ANK2: variants seen among roughly 807,000 people sequenced by gnomAD.
The protein encoded by ANK2 is ankyrin-2.
ANK2 carries 83 observed loss-of-function variants against 360.5 expected under a neutral mutation model. That is an observed-to-expected ratio of 0.23 (90% CI 0.19 to 0.28). The LOEUF (loss-of-function observed/expected upper bound fraction) is 0.28, where lower values mean the gene tolerates loss of function less well. Among genes scored for constraint, ANK2 ranks in the 10% least tolerant of loss-of-function variants. The probability of loss-of-function intolerance (pLI) is 1.00; values close to 1 mark genes in which losing one functional copy is unlikely to be tolerated. For synonymous variants in ANK2, 1,740 were observed against 1,759.5 expected, an observed-to-expected ratio of 0.99 and a Z score of 0.28; for missense variants, 4,201 against 4,795.7, an observed-to-expected ratio of 0.88 and a Z score of 3.66.
At chr4:112,842,941 G>T (rs1441120531) in intron 1 of ANK2, among the ~76,000 whole-genome samples, 1 of 152,242 alleles carries the variant, frequency 6.6e-6, no homozygotes, top group East Asian at 1.9e-4. Context: ...GCTCTAGGGA[G>T]AATCTGTTTT....
the ANK2 span, among the ~76,000 whole-genome samples, chr4:112,783,891 C>T: frequency 1.3e-5 from 2 of 151,914 alleles, no homozygotes; most frequent in African/African-American, 2.4e-5. Context: ...CCTCGTGATC[C>T]GACCACCTCA....
At chr4:112,874,557 G>T (rs1485936242) in intron 1 of ANK2, among the ~76,000 whole-genome samples, 1 of 148,454 alleles carries the variant, frequency 6.7e-6, no homozygotes, top group Non-Finnish European at 1.5e-5. Context: ...CAGGAGAATC[G>T]CTTGAATGTG....
chr4:113,018,041 T>A (rs1034810089), intron 2 of ANK2, among the ~76,000 whole-genome samples: 2 of 152,248 alleles, frequency 1.3e-5, no homozygotes, highest in Non-Finnish European at 2.9e-5. Context: ...TGGGAATTCA[T>A]CGCAATTTTT....
intron 2 of ANK2, among the ~76,000 whole-genome samples, chr4:113,176,131 C>T (rs889635710): frequency 6.6e-6 from 1 of 152,160 alleles, no homozygotes; most frequent in African/African-American, 2.4e-5. Flanking sequence ...TATGGGCATC[C>T]ATCATTGGTC....
In ANK2 at chr4:113,274,579, C is replaced by T. The variant is rs753139159; in HGVS notation, c.1613C>T (p.Ala538Val). ...GGGTACACACCACTGCACATCTCTG[C>T]CCGGGAGGGCCAGGTGGATGTGGCA... ...TNGYTPLHIS[A>V]REGQVDVASV... The change falls in exon 15 of 46, where the codon GCC (alanine) becomes GTC (valine). Residue 538 changes from alanine (A) to valine (V), a missense_variant. Transcript: ENST00000357077. The T allele has an allele frequency of 1.5e-5, 25 of 1,614,086 alleles. No individual in the cohort carries two copies. Among genetic ancestry groups the T allele is most frequent in the Non-Finnish European group, 1.8e-5 (21 of 1,180,036 alleles).
the ANK2 span, among the ~76,000 whole-genome samples, chr4:112,731,125 G>A: frequency 1.3e-5 from 2 of 150,018 alleles, no homozygotes; most frequent in East Asian, 3.9e-4. Flanking sequence ...TGGCGACAGA[G>A]CAAGACTCTG....
intron 43 of ANK2, among the ~76,000 whole-genome samples, chr4:113,370,597 C>T (rs1564161920): frequency 6.6e-6 from 1 of 151,788 alleles, no homozygotes; most frequent in African/African-American, 2.4e-5. Context: ...GTCTCTACTA[C>T]AAATACAAAA....
At chr4:113,345,329 G>A (rs2094722423) in intron 34 of ANK2, among the ~76,000 whole-genome samples, 2 of 152,132 alleles carry the variant, frequency 1.3e-5, no homozygotes, top group African/African-American at 4.8e-5. Flanking sequence ...GACAGTTTCG[G>A]CATAGGATGA....
chr4:113,357,443 G>A lies in ANK2; in HGVS notation c.8825G>A (p.Ser2942Asn), dbSNP rs1554565808. The change falls in exon 38 of 46, where the codon AGC becomes AAC. Residue 2942 changes from serine (S) to asparagine (N), a missense_variant. Transcript: ENST00000357077. ...PSQSFFSSEE[S>N]KTQTDANHTT... Reference sequence around the variant, plus strand: ...CAATCTTTTTTCTCTAGTGAAGAAAGCAAAACCCAAACAGATGCAAATCAC... The same window carrying A: ...CAATCTTTTTTCTCTAGTGAAGAAAACAAAACCCAAACAGATGCAAATCAC... The A allele has an allele frequency of 6.2e-7, 1 of 1,614,008 alleles. No individual in the cohort carries two copies. The highest frequency in any genetic ancestry group is 8.5e-7 in the Non-Finnish European group (1 of 1,179,968).
intron 1 of ANK2, among the ~76,000 whole-genome samples, chr4:112,854,670 T>C (rs17615706): frequency 0.13 from 20,121 of 151,768 alleles, 1,596 homozygotes; most frequent in Non-Finnish European, 0.18. Flanking sequence ...CTTAAGGGAG[T>C]GTGATAGATG....
rs190578098 is a variant in ANK2, at chr4:112,863,200, G to A, written c.-39-41255G>A. 5.3e-3 allele frequency among the ~76,000 whole-genome samples: 809 copies of A among 152,078 alleles called. 4 individuals carry two copies. Among genetic ancestry groups the A allele is most frequent in the Non-Finnish European group, 8.8e-3 (599 of 67,982 alleles). ...TAGTCAGTGTGACTATAGTCAGTGT[G>A]ATATTTAATTTTAAGTTATAGTCGG... is the stretch of plus-strand genomic sequence containing the variant. On this transcript the variant is annotated intron_variant, in intron 1 of 30. Coordinates refer to the ANK2 transcript ENST00000503271.
chr4:113,284,039 C>T (rs111936419), intron 18 of ANK2, among the ~76,000 whole-genome samples: 504 of 152,312 alleles, frequency 3.3e-3, no homozygotes, highest in African/African-American at 0.012. Context: ...CCTGCCCTTA[C>T]GTACTTCTCT....
the ANK2 span, chr4:112,797,359 G>T: frequency 6.6e-6 from 1 of 152,270 alleles, no homozygotes; most frequent in African/African-American, 2.4e-5. Flanking sequence ...GTCCTGTGAC[G>T]ATCTTAGGTA....
At chr4:113,225,054 A>G (rs1459818459) in intron 4 of ANK2, among the ~76,000 whole-genome samples, 7 of 152,148 alleles carry the variant, frequency 4.6e-5, no homozygotes, top group Non-Finnish European at 7.4e-5. Context: ...AAAGACACTC[A>G]TACTTCCCCT....
chr4:113,337,356 G>T (rs1563869963), intron 31 of ANK2, among the ~76,000 whole-genome samples: 1 of 152,168 alleles, frequency 6.6e-6, no homozygotes, highest in African/African-American at 2.4e-5. Flanking sequence ...TTGTGGTTGT[G>T]TAGTCGCTTT....
At chr4:113,134,888 A>G (rs181523858) in intron 1 of ANK2, among the ~76,000 whole-genome samples, 1 of 152,332 alleles carries the variant, frequency 6.6e-6, no homozygotes, top group Admixed American at 6.5e-5. Context: ...CAATTTTATG[A>G]CCATAGAAAC....
the ANK2 span, among the ~76,000 whole-genome samples, chr4:112,808,781 A>C: frequency 6.6e-6 from 1 of 152,222 alleles, no homozygotes; most frequent in Non-Finnish European, 1.5e-5. Context: ...TGGAATAGTT[A>C]TTTCAGAGAT....
At chr4:112,842,686 G>A (rs1055337541) in intron 1 of ANK2, among the ~76,000 whole-genome samples, 3 of 152,224 alleles carry the variant, frequency 2.0e-5, no homozygotes, top group African/African-American at 7.2e-5. Flanking sequence ...CAGGCCTAAA[G>A]CTCGCTGGCC....
At chr4:113,362,935 C>T (rs1420103986) in intron 39 of ANK2, among the ~76,000 whole-genome samples, 4 of 152,168 alleles carry the variant, frequency 2.6e-5, no homozygotes, top group African/African-American at 9.7e-5. Context: ...ATTTATAATA[C>T]TCAAAACATC....
Sources: gnomAD v4.1 joint callset for allele counts (sites outside exome capture counted in the v4.1 genomes callset) on GRCh38, gnomAD v4.1.1 for gene constraint, MANE v1.5 for transcripts, NCBI Gene and HGNC (gene_info 2026-07-23, HGNC 2026-07-21) for gene names.